KCNT2: variants seen among roughly 807,000 people sequenced by gnomAD.
The protein encoded by KCNT2 is potassium channel subfamily T member 2.
Under a neutral mutation model 153.8 loss-of-function variants are expected in KCNT2, and 67 were observed. The ratio of observed to expected loss-of-function variants is 0.44; its 90% confidence interval spans 0.36 to 0.53. The LOEUF is 0.53. Ranked by LOEUF, KCNT2 falls within the 20% of genes least tolerant of loss-of-function variation. KCNT2 has a pLI of 0.00. For synonymous variants in KCNT2, 500 were observed against 458.8 expected, an observed-to-expected ratio of 1.09 and a Z score of -1.15; for missense variants, 975 against 1,354.8, an observed-to-expected ratio of 0.72 and a Z score of 4.40.
Position 196,426,033 on chromosome 1 carries a change from T to G in KCNT2, c.985-45A>C, listed in dbSNP as rs142906262. The G allele has an allele frequency of 9.0e-4, 1,299 of 1,437,680 alleles. 3 individuals carry two copies. The highest frequency in any genetic ancestry group is 1.2e-3 in the Non-Finnish European group (1,246 of 1,026,050). 89.1% of individuals were successfully genotyped at this position (1,437,680 alleles called of 1,614,324 possible). ...CAATGGAATAGAAACAAAAATGTTT[T>G]ATGTTACACTACATAGAAAAATAAA... On this transcript the variant is annotated intron_variant, in intron 10 of 27. Coordinates refer to ENST00000294725, the MANE Select transcript of KCNT2 (RefSeq NM_198503.5).
chr1:196,588,974 C>T (rs966071977), intron 1 of KCNT2, among the ~76,000 whole-genome samples: 1 of 151,614 alleles, frequency 6.6e-6, no homozygotes, highest in African/African-American at 2.4e-5. Flanking sequence ...CCCCAAAAAG[C>T]CTATAAGTAT....
chr1:196,593,430 A>T (rs749596152), intron 1 of KCNT2, among the ~76,000 whole-genome samples: 1 of 151,254 alleles, frequency 6.6e-6, no homozygotes, highest in South Asian at 2.1e-4. Context: ...AATTTTTTCA[A>T]TTGTGAATTG....
At chr1:196,511,937 A>T (rs1192150292) in intron 1 of KCNT2, among the ~76,000 whole-genome samples, 1 of 152,158 alleles carries the variant, frequency 6.6e-6, no homozygotes, top group Non-Finnish European at 1.5e-5. Context: ...ACCATTCAGG[A>T]TACAACACTT....
chr1:196,483,493 T>C (rs969050901), intron 3 of KCNT2, among the ~76,000 whole-genome samples: 3 of 152,192 alleles, frequency 2.0e-5, no homozygotes, highest in Admixed American at 6.5e-5. Context: ...CTATTGTGTA[T>C]TGCCTTTGCA....
rs776647492 is a variant in KCNT2 at position 196,280,959 on chromosome 1, G to A, written c.2811C>T (p.Ile937=). The A allele has an allele frequency of 1.9e-6, 3 of 1,611,038 alleles. No individual in the cohort carries two copies. Among genetic ancestry groups the A allele is most frequent in the Middle Eastern group, 1.7e-4 (1 of 6,054 alleles). ...TCTGATAAAGTCTGGCATAAGTTCT[G>A]ATCCATAAGTCATCTGCAGTGATTT... ...SMKITADDLW[I]RTYARLYQKL... Residue 937 remains isoleucine (I), a synonymous_variant, in exon 25 of 28, where the codon ATC becomes ATT. Coordinates refer to ENST00000294725, the MANE Select transcript of KCNT2 (RefSeq NM_198503.5).
intron 27 of KCNT2, 27 bp from the exon 28 acceptor site, chr1:196,228,362 C>T (rs781626926): frequency 1.6e-6 from 2 of 1,226,036 alleles, no homozygotes; most frequent in South Asian, 1.3e-5. Context: ...AAATAAATAA[C>T]TTTGCAATAG....
intron 3 of KCNT2, among the ~76,000 whole-genome samples, chr1:196,483,651 C>A (rs1486675878): frequency 6.6e-6 from 1 of 152,046 alleles, no homozygotes; most frequent in Admixed American, 6.6e-5. Flanking sequence ...CAGGGAAACC[C>A]TCTCTGAGGA....
At chr1:196,576,266 C>CAAAACAAAAAACAA (rs1661377784) in intron 1 of KCNT2, among the ~76,000 whole-genome samples, 2 of 151,912 alleles carry the variant, frequency 1.3e-5, no homozygotes, top group Admixed American at 1.3e-4. Flanking sequence ...AAACAAAAGC[C>CAAAACAAAAAACAA]AGTTTTTTTG....
intron 14 of KCNT2, among the ~76,000 whole-genome samples, chr1:196,352,527 T>C (rs1377372758): frequency 6.6e-6 from 1 of 152,194 alleles, no homozygotes; most frequent in Non-Finnish European, 1.5e-5. Flanking sequence ...TGGTAGTTTG[T>C]ATTTCTGTGG....
intron 26 of KCNT2, among the ~76,000 whole-genome samples, chr1:196,240,631 G>T (rs1654867433): frequency 6.6e-6 from 1 of 151,874 alleles, no homozygotes; most frequent in Non-Finnish European, 1.5e-5. Flanking sequence ...GAGATGATTT[G>T]GTTTAATTTG....
intron 17 of KCNT2, 63 bp from the exon 18 acceptor site, chr1:196,331,324 G>T (rs1013958928): frequency 1.2e-5 from 10 of 828,912 alleles, no homozygotes; most frequent in Middle Eastern, 2.3e-4. Flanking sequence ...ATTAAGTTAC[G>T]ACCATGTTCC....
chr1:196,522,938 G>A (rs1455038683), intron 1 of KCNT2, among the ~76,000 whole-genome samples: 1 of 152,206 alleles, frequency 6.6e-6, no homozygotes, highest in Non-Finnish European at 1.5e-5. Flanking sequence ...GACAAATAAA[G>A]GAATAAAAGC....
At chr1:196,599,812 C>T (rs1044533020) in intron 1 of KCNT2, among the ~76,000 whole-genome samples, 1 of 152,130 alleles carries the variant, frequency 6.6e-6, no homozygotes, top group Non-Finnish European at 1.5e-5. Context: ...TCTCACTGTC[C>T]TTAGTCTCCC....
At chr1:196,309,859 A>G (rs1661994394) in intron 21 of KCNT2, among the ~76,000 whole-genome samples, 1 of 151,848 alleles carries the variant, frequency 6.6e-6, no homozygotes. Context: ...GAAACATAAT[A>G]GAGCAATACT....
intron 25 of KCNT2, among the ~76,000 whole-genome samples, chr1:196,262,094 T>A (rs1657081350): frequency 6.6e-6 from 1 of 151,826 alleles, no homozygotes; most frequent in African/African-American, 2.4e-5. Flanking sequence ...ACACAAAAAA[T>A]AAGAAAATAT....
chr1:196,252,464 T>A (rs1436992573), intron 26 of KCNT2, among the ~76,000 whole-genome samples: 1 of 151,748 alleles, frequency 6.6e-6, no homozygotes, highest in Non-Finnish European at 1.5e-5. Flanking sequence ...TATTACTCTC[T>A]ACTCTGAAAT....
intron 8 of KCNT2, among the ~76,000 whole-genome samples, chr1:196,452,983 A>G (rs1676353681): frequency 6.6e-6 from 1 of 152,036 alleles, no homozygotes; most frequent in Admixed American, 6.6e-5. Context: ...CTATCTGGGA[A>G]CCCTGTCGCC....
intron 17 of KCNT2, among the ~76,000 whole-genome samples, chr1:196,332,017 A>G (rs1195447699): frequency 6.6e-6 from 1 of 152,196 alleles, no homozygotes; most frequent in Non-Finnish European, 1.5e-5. Flanking sequence ...AAATTAGGCA[A>G]TAAAATAAAA....
intron 14 of KCNT2, among the ~76,000 whole-genome samples, chr1:196,343,432 A>G (rs922080664): frequency 4.6e-5 from 7 of 152,176 alleles, no homozygotes; most frequent in African/African-American, 1.7e-4. Flanking sequence ...ACATTTTAGA[A>G]GCAATATGAT....
Sources: allele counts gnomAD v4.1 joint callset (sites outside exome capture counted in the v4.1 genomes callset), GRCh38; gene constraint gnomAD v4.1.1; transcripts MANE v1.5; gene names NCBI Gene and HGNC (gene_info 2026-07-23, HGNC 2026-07-21).